TRAPPC8: variants seen among roughly 807,000 people sequenced by gnomAD.
TRAPPC8 encodes the protein general sporulation gene 1 homolog.
In TRAPPC8, 54 loss-of-function variants were observed where a neutral mutation model predicts 174.3. The ratio of observed to expected loss-of-function variants is 0.31; its 90% CI spans 0.25 to 0.39. TRAPPC8 has a LOEUF of 0.39. Ranked by LOEUF, TRAPPC8 falls within the 10% of genes least tolerant of loss-of-function variation. The probability of loss-of-function intolerance (pLI) is 1.00; values close to 1 mark genes in which losing one functional copy is unlikely to be tolerated. For synonymous variants in TRAPPC8, 630 were observed against 579.9 expected, an observed-to-expected ratio of 1.09 and a Z score of -1.24; for missense variants, 1,531 against 1,699.1, an observed-to-expected ratio of 0.90 and a Z score of 1.74.
intron 2 of TRAPPC8, among the ~76,000 whole-genome samples, chr18:31,922,936 G>A (rs2037452404): frequency 6.6e-6 from 1 of 152,166 alleles, no homozygotes; most frequent in Non-Finnish European, 1.5e-5. Flanking sequence ...AGGATCGCTT[G>A]AGCCCAGGAG....
chr18:31,931,284 A>G, intron 2 of TRAPPC8, 45 bp downstream of exon 2: 1 of 1,467,904 alleles, frequency 6.8e-7, no homozygotes, highest in Middle Eastern at 1.8e-4. Flanking sequence ...TTTTCTAACA[A>G]AACGAAATTT....
chr18:31,927,844 T>G (rs116765600), intron 2 of TRAPPC8, among the ~76,000 whole-genome samples: 4,583 of 152,218 alleles, frequency 0.03, 247 homozygotes, highest in African/African-American at 0.1. Context: ...GGCCAGTGGT[T>G]TGAGACCAGC....
intron 12 of TRAPPC8, among the ~76,000 whole-genome samples, chr18:31,888,552 G>GTACA (rs1044622237): frequency 2.6e-4 from 40 of 152,224 alleles, no homozygotes; most frequent in African/African-American, 9.4e-4. Context: ...AGAAAATGTG[G>GTACA]TACATACATA....
chr18:31,896,581 T>C (rs185060871), intron 11 of TRAPPC8, among the ~76,000 whole-genome samples: 120 of 152,268 alleles, frequency 7.9e-4, no homozygotes, highest in African/African-American at 2.6e-3. Context: ...TTTATTTATA[T>C]GTTAATTTAA....
chr18:31,933,619 C>T (rs934165079), intron 1 of TRAPPC8, among the ~76,000 whole-genome samples: 1 of 152,114 alleles, frequency 6.6e-6, no homozygotes, highest in African/African-American at 2.4e-5. Flanking sequence ...GGGTTATTAT[C>T]ACATACAAAT....
intron 12 of TRAPPC8, among the ~76,000 whole-genome samples, chr18:31,875,793 TA>T (rs2145231931): frequency 6.6e-6 from 1 of 152,224 alleles, no homozygotes; most frequent in African/African-American, 2.4e-5. Flanking sequence ...ATCATCAATG[TA>T]AAAAATCAAA....
At chr18:31,887,358 A>G (rs1163635264) in intron 12 of TRAPPC8, among the ~76,000 whole-genome samples, 3 of 152,214 alleles carry the variant, frequency 2.0e-5, no homozygotes, top group Non-Finnish European at 4.4e-5. Context: ...CAAAATAGTA[A>G]GAGCTGGCTG....
chr18:31,834,132 G>A (rs1375391024), intron 27 of TRAPPC8, among the ~76,000 whole-genome samples: 3 of 150,692 alleles, frequency 2.0e-5, no homozygotes, highest in Non-Finnish European at 2.9e-5. Flanking sequence ...TCTTTGAGAT[G>A]GAGTTTTGCT....
chr18:31,867,843 C>A (rs1598633640), intron 16 of TRAPPC8, among the ~76,000 whole-genome samples: 2 of 152,194 alleles, frequency 1.3e-5, no homozygotes, highest in South Asian at 4.2e-4. Flanking sequence ...GGCGCCACTG[C>A]ACTCCAGCCT....
In TRAPPC8 at chr18:31,934,614, T is replaced by A. The variant is rs1421318671; in HGVS notation, c.158-3091A>T. Among the ~76,000 whole-genome samples the A allele has an allele frequency of 2.6e-5, 4 of 152,154 alleles. No homozygotes were observed. In the East Asian group the frequency reaches 7.7e-4, roughly 29 times the overall value. On this transcript the variant is annotated intron_variant, in intron 1 of 28. Transcript: ENST00000283351. ...TGGGCGCAGTGGCTCACACCTGTAA[T>A]CCCAGCACTTTGGTAGGTCAAGGCG...
chr18:31,911,867 G>A (rs528301651), intron 5 of TRAPPC8, among the ~76,000 whole-genome samples: 156 of 125,774 alleles, frequency 1.2e-3, no homozygotes, highest in African/African-American at 4.4e-3. Context: ...GCGAGATCCT[G>A]TCTCAAAAAA....
At chr18:31,862,152 A>G (rs1305541002) in intron 19 of TRAPPC8, among the ~76,000 whole-genome samples, 2 of 152,114 alleles carry the variant, frequency 1.3e-5, no homozygotes, top group African/African-American at 4.8e-5. Flanking sequence ...ATGGTGAATA[A>G]CCCTAAAATA....
intron 6 of TRAPPC8, 106 bp from the exon 7 acceptor site, chr18:31,909,116 TTA>T: frequency 8.8e-7 from 1 of 1,133,902 alleles, no homozygotes; most frequent in East Asian, 2.6e-5. Context: ...TTAAAATCCT[TTA>T]TCTTTCAGTA....
intron 1 of TRAPPC8, 105 bp downstream of exon 1, chr18:31,942,503 C>T (rs1189404646): frequency 7.3e-7 from 1 of 1,364,538 alleles, no homozygotes; most frequent in Non-Finnish European, 9.6e-7. Context: ...ACGGTACCGG[C>T]TCCAGGACGT....
Position 31,928,754 on chromosome 18 carries a change from T to C in TRAPPC8, c.352+2575A>G, listed in dbSNP as rs138589601. On this transcript the variant is annotated intron_variant, in intron 2 of 28. Coordinates refer to ENST00000283351, the MANE Select transcript of TRAPPC8 (RefSeq NM_014939.5). The stretch of plus-strand genomic sequence containing the variant: ...CTACCAGATTATAAACTTTAAAGCA[T>C]GTGTTATTCATCTCTGCATCTCAAT... Among the ~76,000 whole-genome samples the C allele has an allele frequency of 1.4e-4, 21 of 152,312 alleles. No homozygotes were observed. In the South Asian group the frequency reaches 3.7e-3, roughly 27 times the overall value.
At chr18:31,853,170 C>T (rs1191717826) in intron 22 of TRAPPC8, among the ~76,000 whole-genome samples, 3 of 152,082 alleles carry the variant, frequency 2.0e-5, no homozygotes, top group African/African-American at 4.8e-5. Flanking sequence ...CCAGTCAGTA[C>T]GTAGGTATGG....
At chr18:31,839,549 C>A in intron 26 of TRAPPC8, 92 bp from the exon 27 acceptor site, 1 of 1,212,510 alleles carries the variant, frequency 8.2e-7, no homozygotes, top group Non-Finnish European at 1.1e-6. Flanking sequence ...AAGTTAAAAT[C>A]AGCAGAGATA....
chr18:31,833,780 G>C (rs2032524199), intron 27 of TRAPPC8, among the ~76,000 whole-genome samples: 1 of 151,972 alleles, frequency 6.6e-6, no homozygotes, highest in Non-Finnish European at 1.5e-5. Context: ...GAGGCGGGCG[G>C]ATCACAAGGT....
rs2032233086 is a variant in TRAPPC8, at chr18:31,829,354, G to A, written c.*1401C>T. 1 of 152,036 alleles carries A rather than the reference G, an allele frequency of 6.6e-6. No individual in the cohort carries two copies. The highest frequency in any genetic ancestry group is 2.1e-4 in the South Asian group (1 of 4,830). 9.4% of individuals were successfully genotyped at this position (152,036 alleles called of 1,614,324 possible). ...ACTGTGATTATGCCTCCTCATTCTT[G>A]TCTTTCCTCCTCAGACTTTTTATAA... On this transcript the variant is annotated 3_prime_UTR_variant, in exon 29 of 29. Coordinates refer to ENST00000283351, the MANE Select transcript of TRAPPC8 (RefSeq NM_014939.5).
Sources: gnomAD v4.1 joint callset for allele counts (sites outside exome capture counted in the v4.1 genomes callset) on GRCh38, gnomAD v4.1.1 for gene constraint, MANE v1.5 for transcripts, NCBI Gene and HGNC (gene_info 2026-07-23, HGNC 2026-07-21) for gene names.